ASTN1: variants seen among roughly 807,000 people sequenced by gnomAD.
ASTN1 encodes astrotactin-1.
ASTN1 carries 41 observed loss-of-function variants against 140.7 expected under a neutral mutation model. That is an observed-to-expected ratio of 0.29 (90% CI 0.23 to 0.38). The LOEUF (loss-of-function observed/expected upper bound fraction) is 0.38. Among genes scored for constraint, ASTN1 ranks in the 10% least tolerant of loss-of-function variants. The pLI, the probability that ASTN1 is intolerant of heterozygous loss-of-function variation, is 1.00. For missense variants in ASTN1, 1,479 were observed against 1,678.8 expected, an observed-to-expected ratio of 0.88 and a Z score of 2.08; for synonymous variants, 640 against 652.2, an observed-to-expected ratio of 0.98 and a Z score of 0.29.
At chr1:176,957,611 G>T (rs1672464864) in intron 11 of ASTN1, 67 bp downstream of exon 11, 5 of 1,574,244 alleles carry the variant, frequency 3.2e-6, no homozygotes, top group Non-Finnish European at 4.3e-6. Flanking sequence ...TATCTGTATT[G>T]TGTCTTCCCC....
chr1:176,864,304 C>T lies in ASTN1; in HGVS notation c.3865G>A (p.Gly1289Arg). The change falls in exon 23 of 23, where the codon GGG becomes AGG. Residue 1289 changes from glycine to arginine, a missense_variant. Coordinates refer to ENST00000361833, the MANE Select transcript of ASTN1 (RefSeq NM_004319.3). ...TGGTGCTAGATCTCTTTGCTGTCCCCATAGTCGTTGTAGGGGATACTCAGG... is the reference window on the plus strand; with the variant it reads ...TGGTGCTAGATCTCTTTGCTGTCCCTATAGTCGTTGTAGGGGATACTCAGG... ...QTLSIPYNDY[G>R]DSKEI 6.2e-7 allele frequency: 1 copy of T among 1,614,036 alleles called. No individual in the cohort carries two copies. The highest frequency in any genetic ancestry group is 8.5e-7 in the Non-Finnish European group (1 of 1,179,992).
rs946027105 is a variant in ASTN1 at position 176,869,006 on chromosome 1, T to C, written c.3485A>G (p.Asn1162Ser). The C allele has an allele frequency of 6.3e-7, 1 of 1,592,588 alleles. No homozygotes were observed. The highest frequency in any genetic ancestry group is 1.7e-5 in the Admixed American group (1 of 58,476). ...CCCACTAGTGTAGCCATTGAAGAGA[T>C]TGTAGATCTTGTCTGCTATTTCTGA... ...KAQEIADKIY[N>S]LFNGYTSGKE... The change falls in exon 22 of 23, where the codon AAT (asparagine) becomes AGT (serine). Residue 1162 changes from asparagine to serine, a missense_variant. Around this residue, in one of 3 missense-constraint regions of ASTN1, gnomAD observed 746 missense variants for 800.9 expected, o/e 0.93. Coordinates refer to ENST00000361833, the MANE Select transcript of ASTN1 (RefSeq NM_004319.3).
chr1:177,003,400 C>G (rs1176611011), intron 8 of ASTN1, among the ~76,000 whole-genome samples: 1 of 152,016 alleles, frequency 6.6e-6, no homozygotes, highest in East Asian at 1.9e-4. Context: ...GCCATATGAG[C>G]AACTCAATAG....
intron 7 of ASTN1, among the ~76,000 whole-genome samples, chr1:177,022,394 G>T (rs1343371328): frequency 2.6e-5 from 4 of 152,144 alleles, no homozygotes; most frequent in Admixed American, 6.5e-5. Context: ...CTTTGGGAAG[G>T]ATCTATTTGT....
At chr1:177,079,248 C>G (rs1287918535) in intron 1 of ASTN1, among the ~76,000 whole-genome samples, 2 of 151,846 alleles carry the variant, frequency 1.3e-5, no homozygotes, top group Admixed American at 1.3e-4. Flanking sequence ...AGAGAGTGTT[C>G]TGACTGTAGA....
chr1:177,155,657 CA>C, intron 1 of ASTN1, among the ~76,000 whole-genome samples: 1 of 152,136 alleles, frequency 6.6e-6, no homozygotes, highest in South Asian at 2.1e-4. Context: ...TGGTGGGAGT[CA>C]GGTTACTCAT....
At chr1:177,158,692 GTAT>G (rs1157678394) in intron 1 of ASTN1, among the ~76,000 whole-genome samples, 2 of 147,162 alleles carry the variant, frequency 1.4e-5, no homozygotes, top group Non-Finnish European at 3.0e-5. Flanking sequence ...GTGTGTGTGT[GTAT>G]GATATATATG....
chr1:176,899,266 T>C (rs1341018974), intron 16 of ASTN1, among the ~76,000 whole-genome samples: 2 of 152,166 alleles, frequency 1.3e-5, no homozygotes, highest in African/African-American at 4.8e-5. Flanking sequence ...CAACATGTCA[T>C]TGTGGATGTG....
At chr1:176,935,948 T>C in intron 15 of ASTN1, 1 of 394,592 alleles carries the variant, frequency 2.5e-6, no homozygotes, top group Non-Finnish European at 4.8e-6. Flanking sequence ...TCTCTCAATT[T>C]GTAAAAAATC....
chr1:177,048,317 G>C (rs188163827), intron 2 of ASTN1, among the ~76,000 whole-genome samples: 24 of 152,262 alleles, frequency 1.6e-4, no homozygotes, highest in African/African-American at 5.3e-4. Context: ...AACCAGTGAG[G>C]CTGGCCCAAA....
chr1:176,912,611 A>G (rs1029818391), intron 16 of ASTN1, among the ~76,000 whole-genome samples: 3 of 152,062 alleles, frequency 2.0e-5, no homozygotes, highest in Admixed American at 6.6e-5. Flanking sequence ...ACTCATTTCC[A>G]TTTTCTAGAT....
intron 2 of ASTN1, among the ~76,000 whole-genome samples, chr1:177,040,626 C>T (rs1312503023): frequency 6.6e-6 from 1 of 152,228 alleles, no homozygotes; most frequent in Non-Finnish European, 1.5e-5. Flanking sequence ...TTGAGTCCTT[C>T]CAACCTAAAG....
intron 21 of ASTN1, among the ~76,000 whole-genome samples, chr1:176,870,688 G>A (rs552918699): frequency 6.6e-6 from 1 of 152,326 alleles, no homozygotes; most frequent in Non-Finnish European, 1.5e-5. Flanking sequence ...CAAACTTGCA[G>A]CCAGCATATT....
chr1:177,027,904 C>T (rs781628238), intron 5 of ASTN1, among the ~76,000 whole-genome samples: 3 of 151,962 alleles, frequency 2.0e-5, no homozygotes, highest in Non-Finnish European at 4.4e-5. Flanking sequence ...TAAGCCTTAT[C>T]ACTGGGCCAT....
intron 1 of ASTN1, among the ~76,000 whole-genome samples, chr1:177,063,682 C>T (rs1301229736): frequency 6.6e-6 from 1 of 152,136 alleles, no homozygotes; most frequent in Non-Finnish European, 1.5e-5. Context: ...CCAACCACTA[C>T]TCATGCCTTC....
chr1:176,925,409 C>T (rs978381762), intron 16 of ASTN1, among the ~76,000 whole-genome samples: 3 of 152,122 alleles, frequency 2.0e-5, no homozygotes, highest in Non-Finnish European at 2.9e-5. Flanking sequence ...TTGTCAGAAA[C>T]GCAGAATTTC....
At position 176,965,173 on chromosome 1, in the gene ASTN1, T is replaced by C; in HGVS notation, c.1588A>G (p.Lys530Glu). ...DLVLGEQPSD[K>E]IFRFTYTLGE... ...TAGACAATCACTTACCTAAATATTT[T>C]ATCAGAGGGCTGCTCTCCCAAAACC... The change falls in exon 9 of 23, where the codon AAA (lysine) becomes GAA (glutamate). Residue 530 changes from lysine to glutamate, a missense_variant. Physicochemically the swap from Lys to Glu is moderately conservative, Grantham distance 56. Coordinates refer to ENST00000361833, the MANE Select transcript of ASTN1 (RefSeq NM_004319.3). The C allele has an allele frequency of 3.7e-6, 6 of 1,613,968 alleles. No homozygotes were observed. Among genetic ancestry groups the C allele is most frequent in the Non-Finnish European group, 5.1e-6 (6 of 1,179,858 alleles).
intron 11 of ASTN1, among the ~76,000 whole-genome samples, chr1:176,952,249 T>C (rs890820602): frequency 6.6e-6 from 1 of 151,798 alleles, no homozygotes; most frequent in Non-Finnish European, 1.5e-5. Context: ...TTTCTTTTTT[T>C]TCTCTCTCTC....
intron 18 of ASTN1, 98 bp from the exon 19 acceptor site, chr1:176,884,588 C>T: frequency 5.3e-6 from 7 of 1,321,408 alleles, no homozygotes; most frequent in Non-Finnish European, 6.2e-6. Context: ...TTTTCTTTCC[C>T]AACCAACTAC....
Sources: gnomAD v4.1 joint callset for allele counts (sites outside exome capture counted in the v4.1 genomes callset) on GRCh38, gnomAD v4.1.1 for gene constraint, gnomAD v4.1.1 regional missense constraint, MANE v1.5 for transcripts, NCBI Gene and HGNC (gene_info 2026-07-23, HGNC 2026-07-21) for gene names.